The following BLM variants were observed in gnomAD, a reference collection of about 807,000 sequenced individuals.
BLM encodes the protein BLM RecQ like helicase.
BLM carries 95 observed loss-of-function variants against 135.3 expected under a neutral mutation model. That is an observed-to-expected ratio of 0.70 (90% confidence interval 0.59 to 0.83). The LOEUF is 0.83. BLM is among the 40% of genes least tolerant of loss of function. The probability of loss-of-function intolerance (pLI) is 0.00; values close to 1 mark genes in which losing one functional copy is unlikely to be tolerated. For missense variants in BLM, 1,518 were observed against 1,663.9 expected (o/e 0.91, Z 1.53); for synonymous variants, 520 against 589.2 (o/e 0.88, Z 1.70).
Position 90,754,732 on chromosome 15 carries a change from A to C in BLM, c.960-79A>C, listed in dbSNP as rs28385005. 5.1e-4 allele frequency: 737 copies of C among 1,453,684 alleles called. 8 individuals are homozygous for C. In the African/African-American group the frequency reaches 9.0e-3, roughly 18 times the overall value. 90.0% of individuals were successfully genotyped at this position (1,453,684 alleles called of 1,614,324 possible). On this transcript the variant is annotated intron_variant, in intron 4 of 21. Coordinates refer to ENST00000355112, the MANE Select transcript of BLM (RefSeq NM_000057.4). ...TATATTGTCTGATCAGTGGTAGAAA[A>C]ATATTAAGGGTTTCAAAATTATACA...
intron 5 of BLM, among the ~76,000 whole-genome samples, chr15:90,756,949 A>G (rs1001707967): frequency 6.6e-6 from 1 of 152,204 alleles, no homozygotes; most frequent in Non-Finnish European, 1.5e-5. Context: ...AATGATATCT[A>G]CCTTGCTGGG....
intron 14 of BLM, among the ~76,000 whole-genome samples, chr15:90,789,089 A>T (rs1331293777): frequency 6.6e-6 from 1 of 151,832 alleles, no homozygotes; most frequent in East Asian, 1.9e-4. Flanking sequence ...ATGGTTAAAC[A>T]ATAGGGGTTT....
At chr15:90,769,735 C>T in intron 12 of BLM, 149 bp downstream of exon 12, 1 of 957,604 alleles carries the variant, frequency 1.0e-6, no homozygotes, top group Non-Finnish European at 1.6e-6. Flanking sequence ...GCAGCTAAAT[C>T]AGAACGTTTG....
At chr15:90,790,257 C>T (rs754016734) in intron 14 of BLM, 19 of 299,418 alleles carry the variant, frequency 6.3e-5, no homozygotes, top group Non-Finnish European at 1.0e-4. Flanking sequence ...TCCTGAGCAA[C>T]ACGTTGCTTG....
chr15:90,790,949 G>A lies in BLM; in HGVS notation c.3019+105G>A, dbSNP rs2072352. On this transcript the variant is annotated intron_variant, in intron 15 of 21. Coordinates refer to ENST00000355112, the MANE Select transcript of BLM (RefSeq NM_000057.4). ...CTGGTCCAGTTTTCCTTAAATAATC[G>A]TAGAAAAATAGAGGAGTTTATACAG... The A allele has an allele frequency of 0.28, 331,154 of 1,170,612 alleles. 51,049 individuals carry two copies. Among genetic ancestry groups the A allele is most frequent in the African/African-American group, 0.59 (38,280 of 65,150 alleles). 72.5% of individuals were successfully genotyped at this position (1,170,612 alleles called of 1,614,324 possible).
intron 21 of BLM, among the ~76,000 whole-genome samples, chr15:90,812,625 G>A (rs895048056): frequency 5.3e-5 from 8 of 150,224 alleles, no homozygotes; most frequent in African/African-American, 1.7e-4. Flanking sequence ...AGAGTTGCTT[G>A]CAGAAAAAAG....
intron 12 of BLM, among the ~76,000 whole-genome samples, chr15:90,779,552 A>G (rs1596248030): frequency 6.6e-6 from 1 of 152,066 alleles, no homozygotes; most frequent in Non-Finnish European, 1.5e-5. Flanking sequence ...TTTTGCCACA[A>G]TCTGCTACAC....
intron 12 of BLM, among the ~76,000 whole-genome samples, chr15:90,781,255 G>A (rs1379840631): frequency 4.6e-5 from 7 of 152,168 alleles, no homozygotes; most frequent in Non-Finnish European, 1.0e-4. Flanking sequence ...AGCTTTTTAT[G>A]TATCCTGGGG....
Position 90,747,596 on chromosome 15 carries a change from A to G in BLM, c.98+106A>G, listed in dbSNP as rs1047663814. The stretch of plus-strand genomic sequence containing the variant: ...CCCCATTGTACAGATGAGGAAATGA[A>G]GCTGAGAGATTCATTGATTTTCCCA... On this transcript the variant is annotated intron_variant, in intron 2 of 21. Coordinates refer to ENST00000355112, the MANE Select transcript of BLM (RefSeq NM_000057.4). 53 of 774,754 alleles carry G rather than the reference A, an allele frequency of 6.8e-5. No homozygotes were observed. In the African/African-American group the frequency reaches 8.5e-4, roughly 12 times the overall value. 48.0% of individuals were successfully genotyped at this position (774,754 alleles called of 1,614,324 possible).
intron 20 of BLM, among the ~76,000 whole-genome samples, chr15:90,810,335 A>T (rs575800097): frequency 6.6e-6 from 1 of 152,280 alleles, no homozygotes; most frequent in African/African-American, 2.4e-5. Context: ...GGTTACAGGC[A>T]TGAGCCACCA....
In BLM at chr15:90,766,979, A is replaced by G. The variant is rs142551229; in HGVS notation, c.2263A>G (p.Lys755Glu). 2.3e-4 allele frequency: 376 copies of G among 1,602,870 alleles called. 2 individuals carry two copies. In the African/African-American group the frequency reaches 4.4e-3, roughly 19 times the overall value. The change falls in exon 10 of 22, where the codon AAA (lysine) becomes GAA (glutamate). Residue 755 changes from lysine to glutamate, a missense_variant. This residue lies in a region of BLM where 626 missense variants were observed against 681.1 expected (regional missense o/e 0.92). Transcript: ENST00000355112. The part of the protein sequence containing the change: ...EATNIYLQLS[K>E]KDPIIKLLYV... Reference sequence around the variant, plus strand: ...TACAAATATTTACCTCCAGTTATCAAAAAAAGACCCAATCATAAAACTTCT... The same window carrying G: ...TACAAATATTTACCTCCAGTTATCAGAAAAAGACCCAATCATAAAACTTCT...
At chr15:90,731,204 G>A (rs778903862) in intron 1 of BLM, among the ~76,000 whole-genome samples, 2 of 152,138 alleles carry the variant, frequency 1.3e-5, no homozygotes, top group African/African-American at 2.4e-5. Context: ...CTCCAAAAGC[G>A]CTGGGATTAT....
At chr15:90,769,086 G>T in intron 10 of BLM, 47 bp from the exon 11 acceptor site, 1 of 1,376,648 alleles carries the variant, frequency 7.3e-7, no homozygotes, top group African/African-American at 1.4e-5. Context: ...GAATCATGAG[G>T]TGATGTGTTT....
chr15:90,780,116 C>G (rs1218932371), intron 12 of BLM, among the ~76,000 whole-genome samples: 2 of 148,376 alleles, frequency 1.3e-5, no homozygotes, highest in Middle Eastern at 3.2e-3. Context: ...GACAGAGTCT[C>G]ACTCTTCGCC....
Position 90,798,337 on chromosome 15 carries a change from G to A in BLM, c.3358G>A (p.Gly1120Arg), listed in dbSNP as rs139773499. 9.9e-6 allele frequency: 16 copies of A among 1,612,036 alleles called. No homozygotes were observed. In the African/African-American group the frequency reaches 1.7e-4, roughly 18 times the overall value. Residue 1120 changes from glycine to arginine, a missense_variant and splice_region_variant, in exon 17 of 22, where the codon GGG (glycine) becomes AGG (arginine). Gly to Arg is a moderately radical substitution (Grantham distance 125). This residue lies in a region of BLM where 626 missense variants were observed against 681.1 expected (regional missense o/e 0.92). Coordinates refer to ENST00000355112, the MANE Select transcript of BLM (RefSeq NM_000057.4). ...TMNMLVDIFL[G>R]SKSAKIQSGI... The stretch of plus-strand genomic sequence containing the variant: ...GAATATGCTGGTCGACATTTTCTTG[G>A]GTAAGTCATCTGTTTTGAATGTTTG...
intron 1 of BLM, among the ~76,000 whole-genome samples, chr15:90,743,494 T>C (rs1895422558): frequency 6.6e-6 from 1 of 152,036 alleles, no homozygotes; most frequent in East Asian, 1.9e-4. Context: ...TTTCAGTTAA[T>C]TTTTCTCCTT....
intron 1 of BLM, among the ~76,000 whole-genome samples, chr15:90,730,076 G>T (rs545746869): frequency 1.3e-5 from 2 of 151,818 alleles, no homozygotes; most frequent in Non-Finnish European, 2.9e-5. Context: ...GGCTGATCTC[G>T]AACTCCTGAC....
At chr15:90,790,942 A>C in intron 15 of BLM, 98 bp downstream of exon 15, 1 of 1,248,314 alleles carries the variant, frequency 8.0e-7, no homozygotes, top group Non-Finnish European at 1.2e-6. Context: ...GTTTTCCTTA[A>C]ATAATCGTAG....
chr15:90,769,069 G>T, intron 10 of BLM, 64 bp from the exon 11 acceptor site: 2 of 1,307,972 alleles, frequency 1.5e-6, no homozygotes, highest in South Asian at 2.4e-5. Context: ...GGAATTTGAA[G>T]ACCACAGAAT....
Sources: allele counts gnomAD v4.1 joint callset (sites outside exome capture counted in the v4.1 genomes callset), GRCh38; gene constraint gnomAD v4.1.1; regional missense constraint gnomAD v4.1.1; transcripts MANE v1.5; gene names NCBI Gene and HGNC (gene_info 2026-07-23, HGNC 2026-07-21).